Variants in ADAMTS2 observed in about 807,000 individuals in gnomAD.
The protein encoded by ADAMTS2 is A disintegrin and metalloproteinase with thrombospondin motifs 2.
Under a neutral mutation model 123.0 loss-of-function variants are expected in ADAMTS2, and 50 were observed. That is an observed-to-expected ratio of 0.41 (90% confidence interval 0.32 to 0.51). The LOEUF (loss-of-function observed/expected upper bound fraction) is 0.51. Ranked by LOEUF, ADAMTS2 falls within the 20% of genes least tolerant of loss-of-function variation. The probability of loss-of-function intolerance (pLI) is 0.35; values close to 1 mark genes in which losing one functional copy is unlikely to be tolerated. For synonymous variants in ADAMTS2, 678 were observed against 695.4 expected (o/e 0.98, Z 0.39); for missense variants, 1,494 against 1,705.2 (o/e 0.88, Z 2.18).
chr5:179,136,317 C>T (rs971932618), intron 12 of ADAMTS2, among the ~76,000 whole-genome samples: 2 of 152,164 alleles, frequency 1.3e-5, no homozygotes, highest in Non-Finnish European at 2.9e-5. Flanking sequence ...TCCCCGAGGC[C>T]CCGCTTGGAG....
In ADAMTS2 at chr5:179,345,258, G is replaced by GGCAGCA. The variant is rs568040559; in HGVS notation, c.65_70dup (p.Leu22_Leu23dup). Reference sequence around the variant, plus strand: ...CGGCGGCGGCGGCAGGAGCGGCGGCGGCAGCAGCAGCAGCAGCAGCAGCAG... The same window carrying GGCAGCA: ...CGGCGGCGGCGGCAGGAGCGGCGGCGGCAGCAGCAGCAGCAGCAGCAGCAGCAGCAG... On this transcript the variant is annotated inframe_insertion, in exon 1 of 22. Transcript: ENST00000251582. This position sits in a 1 kb window ranked among gnomAD's most constrained non-coding sequence, Gnocchi z 7.5. The GGCAGCA allele has an allele frequency of 2.5e-4, 288 of 1,136,418 alleles. No homozygotes were observed. The highest frequency in any genetic ancestry group is 1.5e-3 in the East Asian group (32 of 20,798). 70.4% of individuals were successfully genotyped at this position (1,136,418 alleles called of 1,614,324 possible). A position where few individuals can be genotyped will look rare whatever the true frequency, so the allele number is the denominator to read the frequency against.
rs770094463 is a variant in ADAMTS2, at chr5:179,140,799, C to CTTTTTTTTTTTTTTTTTTTTTTTTTTTT, written c.1630-765_1630-764insAAAAAAAAAAAAAAAAAAAAAAAAAAAA. ...TTTCCTTCAGTTCCGACTGCATGCTCTTTTTTTTTTTTTTTTTTTGAGACA... is the reference window on the plus strand; with the variant it reads ...TTTCCTTCAGTTCCGACTGCATGCTCTTTTTTTTTTTTTTTTTTTTTTTTTTTTTTTTTTTTTTTTTTTTTTTGAGACA... On this transcript the variant is annotated intron_variant, in intron 10 of 21. Transcript: ENST00000251582. 4.4e-5 allele frequency among the ~76,000 whole-genome samples: 4 copies of CTTTTTTTTTTTTTTTTTTTTTTTTTTTT among 90,454 alleles called. 1 individual carries two copies. The highest frequency in any genetic ancestry group is 6.2e-5 in the Non-Finnish European group (3 of 48,298). 59.3% of individuals were successfully genotyped at this position (90,454 alleles called of 152,430 possible). A position where few individuals can be genotyped will look rare whatever the true frequency, so the allele number is the denominator to read the frequency against.
intron 4 of ADAMTS2, among the ~76,000 whole-genome samples, chr5:179,195,001 G>A (rs1171981746): frequency 2.6e-5 from 4 of 152,152 alleles, no homozygotes; most frequent in Admixed American, 6.5e-5. Flanking sequence ...AGGCCTTTGC[G>A]CGCGCTGTGC....
At chr5:179,338,428 C>G (rs1057083667) in intron 2 of ADAMTS2, among the ~76,000 whole-genome samples, 18 of 152,204 alleles carry the variant, frequency 1.2e-4, no homozygotes, top group Admixed American at 1.2e-3. Flanking sequence ...GGCTGGCCGC[C>G]GCCTCCAGAG....
intron 4 of ADAMTS2, among the ~76,000 whole-genome samples, chr5:179,207,006 C>T (rs980904726): frequency 6.6e-6 from 1 of 152,164 alleles, no homozygotes; most frequent in African/African-American, 2.4e-5. Context: ...CTGGCCCTCG[C>T]TCTAATGCAC....
chr5:179,336,705 T>C (rs1158177579), intron 2 of ADAMTS2, among the ~76,000 whole-genome samples: 2 of 152,166 alleles, frequency 1.3e-5, no homozygotes, highest in Non-Finnish European at 2.9e-5. Context: ...ACCCTTTCAC[T>C]GCCACTGAAG....
chr5:179,226,906 A>G (rs1008831734), intron 3 of ADAMTS2, among the ~76,000 whole-genome samples: 5 of 152,216 alleles, frequency 3.3e-5, no homozygotes, highest in African/African-American at 9.7e-5. Flanking sequence ...GATTCACAGG[A>G]TGGAATGCCT....
At chr5:179,149,122 C>A (rs548737102) in intron 10 of ADAMTS2, among the ~76,000 whole-genome samples, 2 of 152,254 alleles carry the variant, frequency 1.3e-5, no homozygotes, top group Non-Finnish European at 2.9e-5. Context: ...AGTGCTGTGG[C>A]CTGAGTGCGT....
At chr5:179,220,472 G>A (rs1765100680) in intron 3 of ADAMTS2, among the ~76,000 whole-genome samples, 1 of 152,154 alleles carries the variant, frequency 6.6e-6, no homozygotes, top group Non-Finnish European at 1.5e-5. Context: ...CTCACACTCA[G>A]AAGGTCCAGG....
At chr5:179,186,988 C>T (rs966997184) in intron 4 of ADAMTS2, among the ~76,000 whole-genome samples, 4 of 152,160 alleles carry the variant, frequency 2.6e-5, no homozygotes, top group Non-Finnish European at 5.9e-5. Flanking sequence ...GAGCCCTCTC[C>T]ACGCTGGCCC....
At chr5:179,213,085 G>A (rs1420943948) in intron 3 of ADAMTS2, among the ~76,000 whole-genome samples, 2 of 152,078 alleles carry the variant, frequency 1.3e-5, no homozygotes, top group East Asian at 1.9e-4. Context: ...ACTAGGGGAC[G>A]ACAGGGACAG....
chr5:179,237,188 A>G (rs915099135), intron 3 of ADAMTS2, among the ~76,000 whole-genome samples: 2 of 152,222 alleles, frequency 1.3e-5, no homozygotes, highest in African/African-American at 4.8e-5. Flanking sequence ...GCTTGATCCC[A>G]GGAGTTCAAG....
chr5:179,207,723 G>A lies in ADAMTS2; in HGVS notation c.689-8C>T. 1 of 1,609,300 alleles carries A rather than the reference G, an allele frequency of 6.2e-7. No homozygotes were observed. Reference sequence around the variant, plus strand: ...GGCTGTCCAGGGAGGCCCCTGCAAGGAGAGGACACCGTCTTCAGCGGCAGG... The same window carrying A: ...GGCTGTCCAGGGAGGCCCCTGCAAGAAGAGGACACCGTCTTCAGCGGCAGG... On this transcript the variant is annotated splice_polypyrimidine_tract_variant and splice_region_variant and intron_variant, in intron 3 of 21. Transcript: ENST00000251582.
chr5:179,127,811 A>G (rs1388854806), intron 17 of ADAMTS2, 148 bp downstream of exon 17: 2 of 816,052 alleles, frequency 2.5e-6, no homozygotes, highest in Non-Finnish European at 1.8e-6. Flanking sequence ...CGGCCCCTCC[A>G]TTGCCGCTAA....
chr5:179,143,428 C>T (rs1194439961), intron 10 of ADAMTS2, among the ~76,000 whole-genome samples: 6 of 115,690 alleles, frequency 5.2e-5, no homozygotes, highest in South Asian at 2.5e-4. Context: ...GACTCTGTCT[C>T]GAAAAAAAAA....
At position 179,260,901 on chromosome 5, in the gene ADAMTS2, C is replaced by T. The variant is rs1053976549; in HGVS notation, c.688+12010G>A. On this transcript the variant is annotated intron_variant, in intron 3 of 21. Transcript: ENST00000251582. This position sits in a 1 kb window ranked among gnomAD's most constrained non-coding sequence, Gnocchi z 4.2. Reference sequence around the variant, plus strand: ...TGCACCTTAGTTTTCTCTCTGCTTCCAGGACTACCGTGCCTATTAAATGAC... The same window carrying T: ...TGCACCTTAGTTTTCTCTCTGCTTCTAGGACTACCGTGCCTATTAAATGAC... 3.3e-5 allele frequency among the ~76,000 whole-genome samples: 5 copies of T among 152,102 alleles called. No homozygotes were observed. Among genetic ancestry groups the T allele is most frequent in the Non-Finnish European group, 7.3e-5 (5 of 68,038 alleles).
At chr5:179,126,688 C>T (rs966942174) in intron 17 of ADAMTS2, among the ~76,000 whole-genome samples, 1 of 152,226 alleles carries the variant, frequency 6.6e-6, no homozygotes. Context: ...CCCATGGCGG[C>T]GAGTGACAGA....
chr5:179,184,843 G>A (rs980225265), intron 4 of ADAMTS2, among the ~76,000 whole-genome samples: 7 of 152,158 alleles, frequency 4.6e-5, no homozygotes, highest in African/African-American at 7.2e-5. Context: ...GCCAGGAGGC[G>A]GAGAGGGACA....
intron 3 of ADAMTS2, among the ~76,000 whole-genome samples, chr5:179,251,614 G>A (rs941230565): frequency 6.6e-6 from 1 of 152,104 alleles, no homozygotes; most frequent in Non-Finnish European, 1.5e-5. Context: ...AGGACATTTT[G>A]GAAAACAGTC....
Sources: gnomAD v4.1 joint callset for allele counts (sites outside exome capture counted in the v4.1 genomes callset) on GRCh38, gnomAD v4.1.1 for gene constraint, Gnocchi (gnomAD v3.1) non-coding constraint, MANE v1.5 for transcripts, NCBI Gene and HGNC (gene_info 2026-07-23, HGNC 2026-07-21) for gene names.